Variants in VPS8 observed in about 807,000 individuals in gnomAD.
The protein encoded by VPS8 is VPS8 subunit of CORVET complex, also known as vacuolar protein sorting-associated protein 8 homolog.
VPS8 carries 129 observed loss-of-function variants against 216.4 expected under a neutral mutation model. That is an observed-to-expected ratio of 0.60 (90% CI 0.52 to 0.69). The LOEUF is 0.69. Ranked by LOEUF, VPS8 falls within the 30% of genes least tolerant of loss-of-function variation. The pLI, the probability that VPS8 is intolerant of heterozygous loss-of-function variation, is 0.00. For missense variants in VPS8, 1,531 were observed against 1,683.5 expected (o/e 0.91, Z 1.59); for synonymous variants, 571 against 565.4 (o/e 1.01, Z -0.14).
chr3:184,855,586 T>C, intron 13 of VPS8, 125 bp from the exon 14 acceptor site: 1 of 778,302 alleles, frequency 1.3e-6, no homozygotes, highest in Non-Finnish European at 2.1e-6. Flanking sequence ...GTTCTTGCTT[T>C]ACTGAGAAAT....
chr3:184,876,241 A>G (rs2108808814), intron 21 of VPS8, among the ~76,000 whole-genome samples: 1 of 152,214 alleles, frequency 6.6e-6, no homozygotes, highest in Non-Finnish European at 1.5e-5. Flanking sequence ...TCTTTACTTA[A>G]CCAAGAAATG....
chr3:185,025,244 C>G (rs1396164938), intron 46 of VPS8, among the ~76,000 whole-genome samples: 1 of 152,160 alleles, frequency 6.6e-6, no homozygotes, highest in Non-Finnish European at 1.5e-5. Flanking sequence ...CACTAAAATC[C>G]TTTTCCTTTA....
At chr3:184,907,581 G>A (rs1312220102) in intron 25 of VPS8, among the ~76,000 whole-genome samples, 1 of 152,134 alleles carries the variant, frequency 6.6e-6, no homozygotes, top group Non-Finnish European at 1.5e-5. Flanking sequence ...GACCTTCAGT[G>A]ACCCTTAATT....
At chr3:184,822,736 T>C (rs1429745137) in intron 1 of VPS8, among the ~76,000 whole-genome samples, 1 of 152,238 alleles carries the variant, frequency 6.6e-6, no homozygotes, top group Admixed American at 6.5e-5. Context: ...TAATTTGTCA[T>C]GAGCTAAGGT....
intron 25 of VPS8, among the ~76,000 whole-genome samples, chr3:184,910,226 C>A (rs577810203): frequency 1.3e-5 from 2 of 151,518 alleles, no homozygotes; most frequent in South Asian, 4.2e-4. Flanking sequence ...CTCCGCCTCC[C>A]GGGTTCACGC....
chr3:184,872,844 G>A (rs953935212), intron 21 of VPS8, among the ~76,000 whole-genome samples: 2 of 152,018 alleles, frequency 1.3e-5, no homozygotes, highest in African/African-American at 4.8e-5. Flanking sequence ...GGGTTCACAA[G>A]GAACAGGAAA....
chr3:184,998,120 G>A (rs1325983902), intron 44 of VPS8, among the ~76,000 whole-genome samples: 1 of 152,180 alleles, frequency 6.6e-6, no homozygotes, highest in African/African-American at 2.4e-5. Flanking sequence ...GCCAAATCAT[G>A]TAGGAGCTGG....
intron 7 of VPS8, 38 bp from the exon 8 acceptor site, chr3:184,843,202 C>G: frequency 7.1e-7 from 1 of 1,408,656 alleles, no homozygotes; most frequent in Non-Finnish European, 9.4e-7. Context: ...TCTTGCTTTT[C>G]TTTATCTTTC....
intron 25 of VPS8, 143 bp downstream of exon 25, chr3:184,901,115 A>C (rs1734403626): frequency 1.4e-6 from 1 of 727,138 alleles, no homozygotes; most frequent in Admixed American, 3.2e-5. Context: ...ATCAAGCTGC[A>C]GAAGGAGCCA....
Position 184,894,713 on chromosome 3 carries a change from T to C in VPS8, c.1792T>C (p.Phe598Leu), listed in dbSNP as rs1402879845. ...CCCTTTCTGTTACAGGGATCTTTTA[T>C]TTAGTCAGATGTATGATAAATTAAG... ...CLLLQRKDLLFSQMYDKLSEN... is the reference protein window; with the variant it reads ...CLLLQRKDLLLSQMYDKLSEN... Residue 598 changes from phenylalanine to leucine, a missense_variant, in exon 23 of 48, where the codon TTT (phenylalanine) becomes CTT (leucine). Physicochemically the swap from Phe to Leu is conservative, Grantham distance 22 (BLOSUM62 0). This residue lies in a region of VPS8 where 1,318 missense variants were observed against 1,468.4 expected (regional missense o/e 0.90). Coordinates refer to ENST00000625842, the MANE Select transcript of VPS8 (RefSeq NM_001009921.3). The C allele has an allele frequency of 6.3e-7, 1 of 1,598,722 alleles. No individual in the cohort carries two copies. Among genetic ancestry groups the C allele is most frequent in the South Asian group, 1.1e-5 (1 of 88,446 alleles).
intron 10 of VPS8, among the ~76,000 whole-genome samples, chr3:184,852,235 A>C (rs547112539): frequency 2.4e-4 from 36 of 152,256 alleles, no homozygotes; most frequent in African/African-American, 8.7e-4. Context: ...GTTTTTAATC[A>C]ATCATAGTTT....
chr3:184,938,649 C>CT (rs113635324), intron 35 of VPS8, among the ~76,000 whole-genome samples: 20,817 of 140,652 alleles, frequency 0.15, 2,894 homozygotes, highest in African/African-American at 0.37. Context: ...TTCTTTTTTT[C>CT]TTTTTTTTTT....
rs1309428524 is a variant in VPS8 at position 184,866,900 on chromosome 3, TATCA to T, written c.1424_1427del (p.Gln475ProfsTer19). 1.2e-6 allele frequency: 2 copies of T among 1,613,018 alleles called. No homozygotes were observed. The highest frequency in any genetic ancestry group is 1.7e-6 in the Non-Finnish European group (2 of 1,179,574). On this transcript the variant is annotated frameshift_variant, in exon 17 of 48. Coordinates refer to ENST00000625842, the MANE Select transcript of VPS8 (RefSeq NM_001009921.3). LOFTEE classifies it high-confidence loss of function. ...GGCTTTGGTTGGAGAGAAGGCTTGTTATCAATCCATCAGTAGCTATGGTGGTCAG... is the reference window on the plus strand; with the variant it reads ...GGCTTTGGTTGGAGAGAAGGCTTGTTATCCATCAGTAGCTATGGTGGTCAG...
At chr3:184,933,289 T>A (rs1741009086) in intron 34 of VPS8, among the ~76,000 whole-genome samples, 1 of 152,170 alleles carries the variant, frequency 6.6e-6, no homozygotes, top group South Asian at 2.1e-4. Flanking sequence ...TGTTTTACAT[T>A]TACCTTTCCT....
At chr3:185,009,961 T>C (rs2109985565) in intron 45 of VPS8, among the ~76,000 whole-genome samples, 1 of 138,008 alleles carries the variant, frequency 7.2e-6, no homozygotes, top group South Asian at 2.3e-4. Context: ...ATTTACCCAC[T>C]GTGTGAGGAA....
intron 21 of VPS8, among the ~76,000 whole-genome samples, chr3:184,884,763 G>C (rs1730906562): frequency 6.6e-6 from 1 of 152,058 alleles, no homozygotes; most frequent in Admixed American, 6.5e-5. Context: ...AAGCTCTTCT[G>C]TGACCAGCAA....
chr3:184,926,614 T>A lies in VPS8; in HGVS notation c.2595T>A (p.Ser865Arg), dbSNP rs1425459876. ...GCCAGGTCCTTGAATTCCTTTGTAG[T>A]CCTGACGATGACTCCCGACACTCTG... ...LFDQVLEFLC[S>R]PDDDSRHSER... Residue 865 changes from serine to arginine, a missense_variant, in exon 31 of 48, where the codon AGT (serine) becomes AGA (arginine). Transcript: ENST00000625842. 6.2e-7 allele frequency: 1 copy of A among 1,604,380 alleles called. No homozygotes were observed. Among genetic ancestry groups the A allele is most frequent in the Non-Finnish European group, 8.5e-7 (1 of 1,175,284 alleles).
chr3:185,049,867 T>C (rs1577291650), intron 47 of VPS8, among the ~76,000 whole-genome samples: 1 of 152,124 alleles, frequency 6.6e-6, no homozygotes, highest in South Asian at 2.1e-4. Context: ...TCTTTGAGAG[T>C]TGGTGTGGGC....
chr3:184,869,305 C>T (rs974463262), intron 19 of VPS8, among the ~76,000 whole-genome samples, 177 bp from the exon 20 acceptor site: 21 of 152,130 alleles, frequency 1.4e-4, no homozygotes, highest in African/African-American at 4.6e-4. Flanking sequence ...ATATGCTATC[C>T]GGTCCAGTAG....
Sources: gnomAD v4.1 joint callset for allele counts (sites outside exome capture counted in the v4.1 genomes callset) on GRCh38, gnomAD v4.1.1 for gene constraint, gnomAD v4.1.1 regional missense constraint, MANE v1.5 for transcripts, NCBI Gene and HGNC (gene_info 2026-07-23, HGNC 2026-07-21) for gene names.